Variants in BCAP29 observed in about 807,000 individuals in gnomAD.
BCAP29 encodes the protein B-cell receptor-associated protein 29.
Under a neutral mutation model 31.8 loss-of-function variants are expected in BCAP29, and 34 were observed. That is an observed-to-expected ratio of 1.07 (90% confidence interval 0.81 to 1.42). The LOEUF (loss-of-function observed/expected upper bound fraction) is 1.42, where lower values mean the gene tolerates loss of function less well. Among genes scored for constraint, BCAP29 ranks in the 40% most tolerant of loss-of-function variants. The pLI is 0.00. For missense variants in BCAP29, 314 were observed against 269.2 expected, an observed-to-expected ratio of 1.17 and a Z score of -1.16; for synonymous variants, 104 against 91.3, an observed-to-expected ratio of 1.14 and a Z score of -0.79.
chr7:107,604,341 A>G (rs1031553126), intron 6 of BCAP29, among the ~76,000 whole-genome samples: 1 of 152,282 alleles, frequency 6.6e-6, no homozygotes, highest in Non-Finnish European at 1.5e-5. Flanking sequence ...GTGTTTTTCC[A>G]GAGAAATTGG....
chr7:107,594,532 C>A (rs1018386494), intron 4 of BCAP29, among the ~76,000 whole-genome samples: 1 of 147,388 alleles, frequency 6.8e-6, no homozygotes, highest in Non-Finnish European at 1.5e-5. Flanking sequence ...GATGGAGTCT[C>A]GCTTTGTCGC....
intron 4 of BCAP29, among the ~76,000 whole-genome samples, chr7:107,595,380 T>C (rs973330322): frequency 2.0e-5 from 3 of 152,208 alleles, no homozygotes; most frequent in African/African-American, 7.2e-5. Context: ...ACTTAGCAGT[T>C]CCTGAGTAAA....
intron 6 of BCAP29, among the ~76,000 whole-genome samples, chr7:107,606,837 C>G (rs1374870391): frequency 6.6e-6 from 1 of 152,176 alleles, no homozygotes; most frequent in Non-Finnish European, 1.5e-5. Context: ...GAGGTCTTCC[C>G]AGCTCTGAGA....
At chr7:107,597,824 G>A (rs536097073) in intron 5 of BCAP29, among the ~76,000 whole-genome samples, 1 of 152,094 alleles carries the variant, frequency 6.6e-6, no homozygotes, top group South Asian at 2.1e-4. Context: ...ACCACTTTCT[G>A]TTCTGATATT....
chr7:107,586,582 C>T (rs1237220995), intron 3 of BCAP29, among the ~76,000 whole-genome samples: 1 of 152,146 alleles, frequency 6.6e-6, no homozygotes, highest in Admixed American at 6.5e-5. Context: ...GTCTGATGTT[C>T]GAGTCCACAA....
rs1585109085 is a variant in BCAP29 at position 107,595,741 on chromosome 7, G to C, written c.345-126G>C. 8.1e-6 allele frequency: 8 copies of C among 985,842 alleles called. No individual in the cohort carries two copies. In the East Asian group the frequency reaches 2.3e-4, roughly 29 times the overall value. 61.1% of individuals were successfully genotyped at this position (985,842 alleles called of 1,614,324 possible). A position where few individuals can be genotyped will look rare whatever the true frequency, so the allele number is the denominator to read the frequency against. The stretch of plus-strand genomic sequence containing the variant: ...ACTTGAATTAAAAAAAGAATAATGG[G>C]TTCTGCCTAAACATTATCTGCCACC... On this transcript the variant is annotated intron_variant, in intron 4 of 7. Transcript: ENST00000005259.
At position 107,595,990 on chromosome 7, in the gene BCAP29, A is replaced by G. The variant is rs890320134; in HGVS notation, c.468A>G (p.Glu156=). The G allele has an allele frequency of 6.3e-7, 1 of 1,576,084 alleles. No individual in the cohort carries two copies. The change falls in exon 5 of 8, where the codon GAA becomes GAG. Residue 156 remains glutamate, a synonymous_variant. Coordinates refer to ENST00000005259, the MANE Select transcript of BCAP29 (RefSeq NM_018844.4). ...CCAAAAAATTTATGGAAGAAAACGA[A>G]AAACTAAAAAGGGTATTTAATTTTC... ...KAAKKFMEEN[E]KLKRILKSHG... is the part of the protein sequence containing the mutation.
At chr7:107,612,635 C>A (rs541552103) in intron 6 of BCAP29, among the ~76,000 whole-genome samples, 1 of 151,642 alleles carries the variant, frequency 6.6e-6, no homozygotes, top group Admixed American at 6.6e-5. Context: ...AATGGAAAAA[C>A]CAGTGAGGGA....
At chr7:107,612,736 A>G (rs1443618701) in intron 6 of BCAP29, among the ~76,000 whole-genome samples, 10 of 152,074 alleles carry the variant, frequency 6.6e-5, no homozygotes, top group Admixed American at 3.9e-4. Flanking sequence ...CATGACCTGA[A>G]TTTATTCATG....
chr7:107,604,989 T>C (rs1811822022), intron 6 of BCAP29, among the ~76,000 whole-genome samples: 1 of 152,210 alleles, frequency 6.6e-6, no homozygotes. Context: ...CTGTGTTATC[T>C]TCACATATTG....
chr7:107,619,312 T>C lies in BCAP29; in HGVS notation c.*949T>C, dbSNP rs1300132849. 6.6e-6 allele frequency: 1 copy of C among 152,572 alleles called. No individual in the cohort carries two copies. Among genetic ancestry groups the C allele is most frequent in the African/African-American group, 2.4e-5 (1 of 41,454 alleles). 9.5% of individuals were successfully genotyped at this position (152,572 alleles called of 1,614,324 possible). A position where few individuals can be genotyped will look rare whatever the true frequency, so the allele number is the denominator to read the frequency against. On this transcript the variant is annotated 3_prime_UTR_variant, in exon 8 of 8. Transcript: ENST00000005259. Reference sequence around the variant, plus strand: ...CTAAATATTAAGTACTATTTTTCCATTCAAATATTCATTTAGAATTTCCTT... The same window carrying C: ...CTAAATATTAAGTACTATTTTTCCACTCAAATATTCATTTAGAATTTCCTT...
At chr7:107,617,542 A>C (rs761451815) in intron 7 of BCAP29, among the ~76,000 whole-genome samples, 2 of 152,218 alleles carry the variant, frequency 1.3e-5, no homozygotes, top group African/African-American at 2.4e-5. Context: ...GCCAGTTTTT[A>C]AATTTCATTT....
At chr7:107,592,831 A>G (rs144215503) in intron 3 of BCAP29, among the ~76,000 whole-genome samples, 21 of 152,354 alleles carry the variant, frequency 1.4e-4, no homozygotes, top group African/African-American at 5.0e-4. Flanking sequence ...GCCAGACACA[A>G]AAGAGCAGAT....
At chr7:107,588,012 A>C (rs1433075598) in intron 3 of BCAP29, 1 of 152,198 alleles carries the variant, frequency 6.6e-6, no homozygotes, top group South Asian at 2.1e-4. Flanking sequence ...ATTGCAATAT[A>C]TAACACAGAG....
intron 7 of BCAP29, chr7:107,615,384 T>C (rs1813927105): frequency 4.4e-6 from 2 of 454,242 alleles, no homozygotes; most frequent in African/African-American, 2.0e-5. Context: ...GGGCGGATCA[T>C]GGGAGATCAA....
chr7:107,583,865 AT>A lies in BCAP29; in HGVS notation c.93-15del. On this transcript the variant is annotated splice_polypyrimidine_tract_variant and intron_variant, in intron 2 of 7. Coordinates refer to ENST00000005259, the MANE Select transcript of BCAP29 (RefSeq NM_018844.4). ...TTTTAGTTTTTTTATACCTAATATA[AT>A]TGTATTGCTTTACAGATGGCAGAAG... The A allele has an allele frequency of 2.9e-6, 4 of 1,384,378 alleles. No homozygotes were observed. The highest frequency in any genetic ancestry group is 4.0e-6 in the Non-Finnish European group (4 of 1,007,974). 85.8% of individuals were successfully genotyped at this position (1,384,378 alleles called of 1,614,324 possible). A position where few individuals can be genotyped will look rare whatever the true frequency, so the allele number is the denominator to read the frequency against.
chr7:107,589,143 C>T (rs973183193), intron 3 of BCAP29, among the ~76,000 whole-genome samples: 1 of 152,196 alleles, frequency 6.6e-6, no homozygotes, highest in Admixed American at 6.5e-5. Context: ...CTCTAAACAG[C>T]TGTAAACTGT....
In BCAP29 at chr7:107,612,416, TATATATATATATA is replaced by T. The variant is rs1563141326; in HGVS notation, c.590-915_590-903del. On this transcript the variant is annotated intron_variant, in intron 6 of 7. Transcript: ENST00000005259. ...TTATATATATATATATATATATATA[TATATATATATATA>T]TATATATATATTTATTTTACTTCTA... Among the ~76,000 whole-genome samples the T allele has an allele frequency of 2.1e-3, 95 of 46,222 alleles. 3 individuals carry two copies. The highest frequency in any genetic ancestry group is 4.7e-3 in the African/African-American group (92 of 19,574). The allele number at this position is 46,222 out of a possible 152,430, so 30.3% of individuals were successfully genotyped here. A position where few individuals can be genotyped will look rare whatever the true frequency, so the allele number is the denominator to read the frequency against.
chr7:107,590,229 TG>T (rs1227716447), intron 3 of BCAP29, among the ~76,000 whole-genome samples: 1 of 152,192 alleles, frequency 6.6e-6, no homozygotes, highest in African/African-American at 2.4e-5. Context: ...CCCATTATAT[TG>T]AATATTGACA....
Sources: gnomAD v4.1 joint callset for allele counts (sites outside exome capture counted in the v4.1 genomes callset) on GRCh38, gnomAD v4.1.1 for gene constraint, MANE v1.5 for transcripts, NCBI Gene and HGNC (gene_info 2026-07-23, HGNC 2026-07-21) for gene names.